GTF2F2: variants seen among roughly 807,000 people sequenced by gnomAD.
The protein encoded by GTF2F2 is general transcription factor IIF subunit 2.
In GTF2F2, 23 loss-of-function variants were observed where a neutral mutation model predicts 42.2. The observed-to-expected ratio is 0.55, with a 90% CI of 0.39 to 0.77. The LOEUF is 0.77. Among genes scored for constraint, GTF2F2 ranks in the 30% least tolerant of loss-of-function variants. GTF2F2 has a pLI of 0.00. For synonymous variants in GTF2F2, 105 were observed against 100.8 expected (o/e 1.04, Z -0.25); for missense variants, 261 against 287.2 (o/e 0.91, Z 0.66).
At chr13:45,147,615 C>T (rs774831855) in intron 2 of GTF2F2, among the ~76,000 whole-genome samples, 1 of 152,100 alleles carries the variant, frequency 6.6e-6, no homozygotes, top group Non-Finnish European at 1.5e-5. Context: ...AATTTTCTCA[C>T]CTCGTTTTAA....
chr13:45,167,232 A>AT (rs553522450), intron 4 of GTF2F2, among the ~76,000 whole-genome samples: 3,233 of 127,648 alleles, frequency 0.025, 101 homozygotes, highest in African/African-American at 0.072. Context: ...CTATTTTACT[A>AT]TTTTTTTTTT....
At chr13:45,176,030 C>T (rs1049444132) in intron 4 of GTF2F2, among the ~76,000 whole-genome samples, 2 of 152,156 alleles carry the variant, frequency 1.3e-5, no homozygotes, top group East Asian at 1.9e-4. Context: ...GACTGATCCA[C>T]GTTGTATATA....
chr13:45,268,452 C>G (rs970831724), intron 7 of GTF2F2, among the ~76,000 whole-genome samples: 3 of 151,952 alleles, frequency 2.0e-5, no homozygotes, highest in African/African-American at 7.3e-5. Context: ...TCAACCCTTG[C>G]CTTTTGTTAA....
intron 2 of GTF2F2, among the ~76,000 whole-genome samples, chr13:45,137,821 CA>C (rs913819938): frequency 6.8e-5 from 10 of 146,616 alleles, no homozygotes; most frequent in African/African-American, 2.7e-5. Flanking sequence ...GAAGCTGCTG[CA>C]AAAAAAACTT....
chr13:45,252,166 A>T (rs1414177062), intron 5 of GTF2F2, among the ~76,000 whole-genome samples: 1 of 152,156 alleles, frequency 6.6e-6, no homozygotes, highest in African/African-American at 2.4e-5. Flanking sequence ...TTTCTGAGAC[A>T]TGGTCTCTCT....
intron 4 of GTF2F2, among the ~76,000 whole-genome samples, chr13:45,155,076 A>G (rs10507533): frequency 0.029 from 4,354 of 152,240 alleles, 191 homozygotes; most frequent in African/African-American, 0.093. Flanking sequence ...ACATATTTAA[A>G]ATGTTAGATG....
chr13:45,224,603 C>T (rs1416998235), intron 5 of GTF2F2, among the ~76,000 whole-genome samples: 1 of 152,164 alleles, frequency 6.6e-6, no homozygotes, highest in Non-Finnish European at 1.5e-5. Flanking sequence ...CTTTGGGTCA[C>T]TTGGTCTTTG....
intron 4 of GTF2F2, 56 bp from the exon 5 acceptor site, chr13:45,207,368 T>TG: frequency 9.8e-7 from 1 of 1,018,732 alleles, no homozygotes; most frequent in South Asian, 1.3e-5. Flanking sequence ...TGTGTCAAAA[T>TG]ACAGTCTTGA....
At chr13:45,260,324 T>C (rs1876288204) in intron 6 of GTF2F2, among the ~76,000 whole-genome samples, 1 of 152,214 alleles carries the variant, frequency 6.6e-6, no homozygotes, top group African/African-American at 2.4e-5. Context: ...TAATACATAG[T>C]ATAAGTATAC....
intron 6 of GTF2F2, among the ~76,000 whole-genome samples, chr13:45,254,089 A>C (rs1173720042): frequency 6.6e-6 from 1 of 151,934 alleles, no homozygotes; most frequent in Middle Eastern, 3.4e-3. Flanking sequence ...AAAAAAAAGA[A>C]AGAAGAAGAG....
rs554011456 is a variant in GTF2F2 at position 45,218,225 on chromosome 13, G to C, written c.386+10720G>C. ...ACCTAGCTGCATTTGTTAGAGATCT[G>C]TTCTGAGGATTTAAAATGGGTGCTG... On this transcript the variant is annotated intron_variant, in intron 5 of 7. Coordinates refer to ENST00000340473, the MANE Select transcript of GTF2F2 (RefSeq NM_004128.3). Among the ~76,000 whole-genome samples the C allele has an allele frequency of 1.2e-4, 19 of 152,326 alleles. 1 individual carries two copies. The highest frequency in any genetic ancestry group is 4.1e-4 in the African/African-American group (17 of 41,572).
intron 2 of GTF2F2, among the ~76,000 whole-genome samples, chr13:45,149,259 A>C (rs1227800759): frequency 1.3e-5 from 2 of 149,530 alleles, no homozygotes; most frequent in Admixed American, 6.7e-5. Flanking sequence ...ACATGGTGAG[A>C]CCTTGTCTCT....
chr13:45,256,205 T>C (rs1876096685), intron 6 of GTF2F2, among the ~76,000 whole-genome samples: 1 of 152,098 alleles, frequency 6.6e-6, no homozygotes, highest in South Asian at 2.1e-4. Flanking sequence ...GAATTGTTGG[T>C]AAGCAATAAA....
intron 4 of GTF2F2, among the ~76,000 whole-genome samples, chr13:45,154,791 T>G (rs1410545628): frequency 6.6e-6 from 1 of 152,190 alleles, no homozygotes; most frequent in Non-Finnish European, 1.5e-5. Flanking sequence ...TTAAACACTT[T>G]AGGTTTTAAG....
At chr13:45,224,229 C>G (rs1874237384) in intron 5 of GTF2F2, among the ~76,000 whole-genome samples, 1 of 152,118 alleles carries the variant, frequency 6.6e-6, no homozygotes, top group Admixed American at 6.5e-5. Flanking sequence ...TTCTTCAGTC[C>G]CCTCTTATCA....
intron 5 of GTF2F2, among the ~76,000 whole-genome samples, chr13:45,226,765 A>G (rs746918304): frequency 2.1e-4 from 32 of 152,104 alleles, no homozygotes; most frequent in Non-Finnish European, 2.9e-4. Context: ...ACAGCTGTCT[A>G]TTTACGCCTT....
chr13:45,196,989 A>G (rs918231389), intron 4 of GTF2F2, among the ~76,000 whole-genome samples: 1 of 151,260 alleles, frequency 6.6e-6, no homozygotes, highest in African/African-American at 2.4e-5. Flanking sequence ...GCCTGAACAG[A>G]CTCTGAACCA....
intron 2 of GTF2F2, among the ~76,000 whole-genome samples, chr13:45,144,398 T>C (rs901134552): frequency 1.3e-5 from 2 of 152,056 alleles, no homozygotes; most frequent in Non-Finnish European, 2.9e-5. Flanking sequence ...ATGTAGCCTG[T>C]ACTAATAATA....
rs112403311 is a variant in GTF2F2, at chr13:45,160,491, G to A, written c.304+8660G>A. The stretch of plus-strand genomic sequence containing the variant: ...AAATTCACAGGTCTGTCTTGTATTT[G>A]GAATGAATCTCTTACCCAGACATGA... On this transcript the variant is annotated intron_variant, in intron 4 of 7. Coordinates refer to ENST00000340473, the MANE Select transcript of GTF2F2 (RefSeq NM_004128.3). Among the ~76,000 whole-genome samples the A allele has an allele frequency of 2.2e-3, 330 of 152,208 alleles. 3 individuals carry two copies. The highest frequency in any genetic ancestry group is 7.6e-3 in the African/African-American group (315 of 41,526).
Sources: allele counts gnomAD v4.1 joint callset (sites outside exome capture counted in the v4.1 genomes callset), GRCh38; gene constraint gnomAD v4.1.1; transcripts MANE v1.5; gene names NCBI Gene and HGNC (gene_info 2026-07-23, HGNC 2026-07-21).